GRID2: variants seen among roughly 807,000 people sequenced by gnomAD.
GRID2 encodes glutamate ionotropic receptor delta type subunit 2, also known as glutamate receptor ionotropic, delta-2.
Under a neutral mutation model 114.8 loss-of-function variants are expected in GRID2, and 33 were observed. The observed-to-expected ratio is 0.29, with a 90% CI of 0.22 to 0.38. GRID2 has a LOEUF of 0.38. GRID2 is among the 10% of genes least tolerant of loss of function. GRID2 has a pLI of 1.00. For missense variants in GRID2, 1,184 were observed against 1,257.7 expected (o/e 0.94, Z 0.89); for synonymous variants, 505 against 449.9 (o/e 1.12, Z -1.55).
chr4:93,313,780 A>C (rs1272749771), intron 8 of GRID2, among the ~76,000 whole-genome samples: 23 of 152,194 alleles, frequency 1.5e-4, no homozygotes, highest in Admixed American at 1.5e-3. Context: ...GAGCGAGAGG[A>C]AACTTTAAAG....
intron 2 of GRID2, among the ~76,000 whole-genome samples, chr4:92,982,335 G>A (rs1017609831): frequency 4.7e-4 from 71 of 152,140 alleles, no homozygotes; most frequent in African/African-American, 1.6e-3. Context: ...AATATTACAT[G>A]TAAATTTCTT....
intron 1 of GRID2, among the ~76,000 whole-genome samples, chr4:93,781,740 T>C (rs1734482608): frequency 2.6e-5 from 4 of 152,196 alleles, no homozygotes; most frequent in Admixed American, 2.6e-4. Flanking sequence ...TGTTATACTG[T>C]ACAGTTTAGG....
intron 1 of GRID2, among the ~76,000 whole-genome samples, chr4:92,541,272 C>A (rs1230377002): frequency 1.3e-5 from 2 of 151,068 alleles, no homozygotes; most frequent in Non-Finnish European, 2.9e-5. Context: ...TGCACATGTA[C>A]CCTTAAACTT....
chr4:93,709,265 A>T (rs1289701637), intron 14 of GRID2, among the ~76,000 whole-genome samples: 1 of 152,146 alleles, frequency 6.6e-6, no homozygotes, highest in Non-Finnish European at 1.5e-5. Context: ...CATCTCTTGT[A>T]GGACAGGTCT....
intron 2 of GRID2, among the ~76,000 whole-genome samples, chr4:92,941,728 A>G (rs1239532780): frequency 6.6e-6 from 1 of 152,152 alleles, no homozygotes; most frequent in African/African-American, 2.4e-5. Context: ...TTCCCTCTAC[A>G]CACTGCTTTG....
At chr4:92,605,598 A>G (rs1470149289) in intron 2 of GRID2, among the ~76,000 whole-genome samples, 1 of 152,094 alleles carries the variant, frequency 6.6e-6, no homozygotes. Context: ...ACAAACAAAA[A>G]ACCTTTAAGA....
intron 1 of GRID2, among the ~76,000 whole-genome samples, chr4:92,585,058 A>G (rs1318382531): frequency 6.6e-6 from 1 of 151,976 alleles, no homozygotes; most frequent in Non-Finnish European, 1.5e-5. Flanking sequence ...CCCATTTCAA[A>G]TATTTGGCCA....
At chr4:93,113,731 T>A (rs916092484) in intron 4 of GRID2, among the ~76,000 whole-genome samples, 1 of 152,052 alleles carries the variant, frequency 6.6e-6, no homozygotes, top group African/African-American at 2.4e-5. Flanking sequence ...GTTGTAGAGG[T>A]AAAGTATACA....
intron 8 of GRID2, among the ~76,000 whole-genome samples, chr4:93,262,992 G>A (rs1480122265): frequency 2.6e-5 from 4 of 151,768 alleles, no homozygotes; most frequent in Non-Finnish European, 5.9e-5. Context: ...CACTACTAAG[G>A]AGTTACATTG....
Position 92,344,147 on chromosome 4 carries a change from A to G in GRID2, c.88+39403A>G, listed in dbSNP as rs182099086. ...ACTTATAATTTAATAATTATAATAC[A>G]ATATACAATTTTTTTAATGCTAAGA... On this transcript the variant is annotated intron_variant, in intron 1 of 15. Coordinates refer to ENST00000282020, the MANE Select transcript of GRID2 (RefSeq NM_001510.4). Among the ~76,000 whole-genome samples, 412 of 152,238 alleles carry G rather than the reference A, an allele frequency of 2.7e-3. 3 individuals are homozygous for G. The highest frequency in any genetic ancestry group is 9.4e-3 in the African/African-American group (389 of 41,526).
chr4:93,711,246 T>G, intron 14 of GRID2, among the ~76,000 whole-genome samples: 1 of 152,172 alleles, frequency 6.6e-6, no homozygotes, highest in South Asian at 2.1e-4. Context: ...GCCTGGCTAC[T>G]GCTGATGTTT....
chr4:92,738,796 C>T (rs1736726588), intron 2 of GRID2, among the ~76,000 whole-genome samples: 1 of 152,060 alleles, frequency 6.6e-6, no homozygotes, highest in South Asian at 2.1e-4. Flanking sequence ...AGACTAATGG[C>T]ATGCACCACC....
At chr4:93,562,751 G>A (rs1735044596) in intron 13 of GRID2, among the ~76,000 whole-genome samples, 1 of 151,960 alleles carries the variant, frequency 6.6e-6, no homozygotes, top group South Asian at 2.1e-4. Flanking sequence ...TTTTCTCTGT[G>A]CATGTCCAGC....
At chr4:92,974,885 C>T (rs1250415407) in intron 2 of GRID2, among the ~76,000 whole-genome samples, 2 of 151,782 alleles carry the variant, frequency 1.3e-5, no homozygotes, top group Non-Finnish European at 2.9e-5. Context: ...AGGCCGGGAG[C>T]GGCGGCTCAC....
In GRID2 at chr4:93,515,459, A is replaced by G. The variant is rs773227563; in HGVS notation, c.2193+48A>G. The G allele has an allele frequency of 1.6e-5, 20 of 1,235,086 alleles. No homozygotes were observed. The African/African-American group carries it at 2.4e-4, about 15-fold the overall frequency. The allele number at this position is 1,235,086 out of a possible 1,614,324, so 76.5% of individuals were successfully genotyped here. ...AATAGTCCTTACCATTTTGTGTCCC[A>G]TGCTGGAATTGCGCAGTTGAGATTT... On this transcript the variant is annotated intron_variant, in intron 13 of 15. Coordinates refer to ENST00000282020, the MANE Select transcript of GRID2 (RefSeq NM_001510.4).
At chr4:92,861,577 C>T (rs890788276) in intron 2 of GRID2, among the ~76,000 whole-genome samples, 11 of 151,960 alleles carry the variant, frequency 7.2e-5, no homozygotes, top group Non-Finnish European at 1.5e-4. Flanking sequence ...ATTGTCATTG[C>T]TTTTTTAAAT....
At chr4:92,921,081 A>C in intron 2 of GRID2, among the ~76,000 whole-genome samples, 1 of 151,870 alleles carries the variant, frequency 6.6e-6, no homozygotes, top group East Asian at 1.9e-4. Context: ...CTTCTCTTTT[A>C]GCTTCATTTC....
chr4:92,966,288 G>T (rs531909108), intron 2 of GRID2, among the ~76,000 whole-genome samples: 1 of 152,014 alleles, frequency 6.6e-6, no homozygotes. Context: ...AGGTATAAAA[G>T]TGGTATGATA....
chr4:92,677,786 G>A (rs553483278), intron 2 of GRID2, among the ~76,000 whole-genome samples: 1 of 151,966 alleles, frequency 6.6e-6, no homozygotes, highest in South Asian at 2.1e-4. Context: ...CTTTCTAGGT[G>A]GCAAGCTTTT....
Sources: allele counts gnomAD v4.1 joint callset (sites outside exome capture counted in the v4.1 genomes callset), GRCh38; gene constraint gnomAD v4.1.1; transcripts MANE v1.5; gene names NCBI Gene and HGNC (gene_info 2026-07-23, HGNC 2026-07-21).